Variants in SS18 observed in about 807,000 individuals in gnomAD.
SS18 encodes protein SSXT.
Under a neutral mutation model 72.5 loss-of-function variants are expected in SS18, and 28 were observed. The observed-to-expected ratio is 0.39, with a 90% CI of 0.29 to 0.53. The LOEUF is 0.53. Among genes scored for constraint, SS18 ranks in the 20% least tolerant of loss-of-function variants. The pLI is 0.76. For missense variants in SS18, 518 were observed against 535.3 expected, an observed-to-expected ratio of 0.97 and a Z score of 0.32; for synonymous variants, 172 against 164.2, an observed-to-expected ratio of 1.05 and a Z score of -0.37.
chr18:26,047,612 C>A (rs554627984), intron 5 of SS18, among the ~76,000 whole-genome samples: 3 of 151,924 alleles, frequency 2.0e-5, no homozygotes, highest in Admixed American at 6.6e-5. Context: ...GAGGCCAAGG[C>A]GGGCAGATCA....
intron 3 of SS18, among the ~76,000 whole-genome samples, chr18:26,070,825 C>G (rs191279435): frequency 6.6e-6 from 1 of 152,236 alleles, no homozygotes; most frequent in African/African-American, 2.4e-5. Flanking sequence ...TTCTAGAAAA[C>G]TTAAGTAAAA....
intron 5 of SS18, among the ~76,000 whole-genome samples, chr18:26,043,143 G>A (rs2143912943): frequency 6.6e-6 from 1 of 152,126 alleles, no homozygotes; most frequent in South Asian, 2.1e-4. Context: ...ACATTTTAAG[G>A]CTCACAAACA....
chr18:26,027,696 A>G lies in SS18; in HGVS notation c.1230+4703T>C, dbSNP rs2053473319. Among the ~76,000 whole-genome samples the G allele has an allele frequency of 1.5e-5, 2 of 137,806 alleles. 1 individual carries two copies. Among genetic ancestry groups the G allele is most frequent in the African/African-American group, 5.7e-5 (2 of 35,266 alleles). The allele number at this position is 137,806 out of a possible 152,430, so 90.4% of individuals were successfully genotyped here. A position where few individuals can be genotyped will look rare whatever the true frequency, so the allele number is the denominator to read the frequency against. On this transcript the variant is annotated intron_variant, in intron 10 of 10. Coordinates refer to ENST00000415083, the MANE Select transcript of SS18 (RefSeq NM_001007559.3). Reference sequence around the variant, plus strand: ...TAAAAAAAAAAAAAAAAAAAAAAAAAAAAAAAAAGTCTTTTCAACAAATGA... The same window carrying G: ...TAAAAAAAAAAAAAAAAAAAAAAAAGAAAAAAAAGTCTTTTCAACAAATGA...
At chr18:26,032,607 A>G (rs1204781016) in intron 9 of SS18, 75 bp from the exon 10 acceptor site, 7 of 1,496,734 alleles carry the variant, frequency 4.7e-6, no homozygotes, top group Non-Finnish European at 6.3e-6. Context: ...TGTGAACTAC[A>G]GAGATGTTAC....
chr18:26,024,025 A>T (rs778306415), intron 10 of SS18, among the ~76,000 whole-genome samples: 1 of 152,176 alleles, frequency 6.6e-6, no homozygotes, highest in Non-Finnish European at 1.5e-5. Context: ...GAAGACACTG[A>T]TACACGCTAC....
chr18:26,072,796 C>CAA (rs71169810), intron 3 of SS18, among the ~76,000 whole-genome samples: 4,005 of 32,588 alleles, frequency 0.12, 625 homozygotes, highest in African/African-American at 0.17. Context: ...GACTCCGTCT[C>CAA]AAAAAAAAAA....
At chr18:26,020,155 GAGTTTA>G (rs2053322950) in intron 10 of SS18, among the ~76,000 whole-genome samples, 1 of 152,170 alleles carries the variant, frequency 6.6e-6, no homozygotes, top group African/African-American at 2.4e-5. Context: ...TACTAAATCT[GAGTTTA>G]AGTTCCAACT....
chr18:26,019,116 G>A (rs1041496073), intron 10 of SS18, among the ~76,000 whole-genome samples: 6 of 152,100 alleles, frequency 3.9e-5, no homozygotes, highest in African/African-American at 1.2e-4. Flanking sequence ...CTGTGAGTGG[G>A]GGTAAACAAT....
intron 10 of SS18, among the ~76,000 whole-genome samples, chr18:26,026,184 T>TG (rs1025671486): frequency 1.2e-4 from 18 of 152,152 alleles, no homozygotes; most frequent in East Asian, 7.7e-4. Flanking sequence ...TTTATAGAGG[T>TG]GGGGGGTCTT....
At chr18:26,054,091 T>C (rs1407097624) in intron 4 of SS18, among the ~76,000 whole-genome samples, 1 of 152,192 alleles carries the variant, frequency 6.6e-6, no homozygotes, top group Admixed American at 6.5e-5. Flanking sequence ...TTAAATCATC[T>C]CTACATTACA....
chr18:26,079,460 C>T (rs765186987), intron 2 of SS18, among the ~76,000 whole-genome samples: 190 of 152,214 alleles, frequency 1.2e-3, no homozygotes, highest in Non-Finnish European at 2.0e-3. Context: ...ATGCTAAATA[C>T]AAATTAAAAT....
chr18:26,039,190 A>C (rs946581597), intron 6 of SS18, 99 bp downstream of exon 6: 6 of 962,394 alleles, frequency 6.2e-6, no homozygotes, highest in Non-Finnish European at 8.6e-6. Context: ...AAAAAAAAAA[A>C]AAAAAGAAAA....
At position 26,060,771 on chromosome 18, in the gene SS18, C is replaced by CAAAAAAAAAAAAAAAAAAA. The variant is rs60999827; in HGVS notation, c.232-3048_232-3030dup. ...GAAACTCTGTCTCTACTAAAAATAC[C>CAAAAAAAAAAAAAAAAAAA]AAAAAAAAAAAAAAAAAAAAAAAAA... On this transcript the variant is annotated intron_variant, in intron 3 of 10. Transcript: ENST00000415083. 3.5e-4 allele frequency among the ~76,000 whole-genome samples: 14 copies of CAAAAAAAAAAAAAAAAAAA among 39,606 alleles called. 3 individuals carry two copies. Among genetic ancestry groups the CAAAAAAAAAAAAAAAAAAA allele is most frequent in the Admixed American group, 6.4e-4 (2 of 3,138 alleles). 26.0% of individuals were successfully genotyped at this position (39,606 alleles called of 152,430 possible). A position where few individuals can be genotyped will look rare whatever the true frequency, so the allele number is the denominator to read the frequency against.
intron 3 of SS18, 64 bp from the exon 4 acceptor site, chr18:26,057,806 A>G (rs1206993421): frequency 1.4e-6 from 2 of 1,447,828 alleles, no homozygotes; most frequent in African/African-American, 1.4e-5. Flanking sequence ...GCATAGGGTA[A>G]AAGAGTTGCT....
chr18:26,053,150 T>C (rs958996167), intron 4 of SS18, among the ~76,000 whole-genome samples: 7 of 152,156 alleles, frequency 4.6e-5, no homozygotes, highest in South Asian at 4.1e-4. Flanking sequence ...CATAAATGAA[T>C]AGACTAACAG....
intron 5 of SS18, among the ~76,000 whole-genome samples, chr18:26,051,547 A>G (rs1055863593): frequency 6.6e-6 from 1 of 152,152 alleles, no homozygotes; most frequent in African/African-American, 2.4e-5. Context: ...AGAATCATCA[A>G]TTTTCCTGTT....
At chr18:26,036,054 G>C (rs776847316) in intron 7 of SS18, 131 bp from the exon 8 acceptor site, 18 of 695,596 alleles carry the variant, frequency 2.6e-5, no homozygotes, top group Non-Finnish European at 4.1e-5. Context: ...AATTTCAATT[G>C]CATTAGCCAA....
At chr18:26,031,713 A>G (rs2053544703) in intron 10 of SS18, among the ~76,000 whole-genome samples, 1 of 152,216 alleles carries the variant, frequency 6.6e-6, no homozygotes, top group Non-Finnish European at 1.5e-5. Flanking sequence ...ACACTTCTAC[A>G]TATCTGAAAG....
At position 26,057,694 on chromosome 18, in the gene SS18, C is replaced by T. The variant is rs371528497; in HGVS notation, c.280G>A (p.Gly94Ser). The change falls in exon 4 of 11, where the codon GGC becomes AGC. Residue 94 changes from glycine to serine, a missense_variant. Coordinates refer to ENST00000415083, the MANE Select transcript of SS18 (RefSeq NM_001007559.3). ...TGAGAGCGTGGAGGTGGGGGAGGGC[C>T]GCTCTGATTCATCCCTCCAGGACCC... The part of the protein sequence containing the change: ...PMGPGGMNQS[G>S]PPPPPRSHNM... 3.1e-6 allele frequency: 5 copies of T among 1,613,832 alleles called. No homozygotes were observed. Among genetic ancestry groups the T allele is most frequent in the Middle Eastern group, 1.6e-4 (1 of 6,072 alleles).
Sources: gnomAD v4.1 joint callset for allele counts (sites outside exome capture counted in the v4.1 genomes callset) on GRCh38, gnomAD v4.1.1 for gene constraint, MANE v1.5 for transcripts, NCBI Gene and HGNC (gene_info 2026-07-23, HGNC 2026-07-21) for gene names.